FOXO3: variants seen among roughly 807,000 people sequenced by gnomAD.
The protein encoded by FOXO3 is forkhead box O3, also known as forkhead box protein O3.
A neutral mutation model predicts 41.9 loss-of-function variants in FOXO3; 4 were observed. That is an observed-to-expected ratio of 0.10 (90% CI 0.05 to 0.22). The LOEUF (loss-of-function observed/expected upper bound fraction) is 0.22, where lower values mean the gene tolerates loss of function less well. FOXO3 is among the 10% of genes least tolerant of loss of function. FOXO3 has a pLI of 1.00. For synonymous variants in FOXO3, 318 were observed against 389.3 expected, an observed-to-expected ratio of 0.82 and a Z score of 2.16; for missense variants, 534 against 906.8, an observed-to-expected ratio of 0.59 and a Z score of 5.28.
chr6:108,675,936 G>A (rs1644730017), intron 2 of FOXO3, among the ~76,000 whole-genome samples: 1 of 152,200 alleles, frequency 6.6e-6, no homozygotes, highest in Admixed American at 6.5e-5. Context: ...GTTGATTGGG[G>A]TTGTTATGTT....
At chr6:108,603,900 T>A (rs1431417797) in intron 1 of FOXO3, among the ~76,000 whole-genome samples, 2 of 152,212 alleles carry the variant, frequency 1.3e-5, no homozygotes, top group Non-Finnish European at 2.9e-5. Context: ...AATTTTTTTT[T>A]ATTTAAAAAG....
chr6:108,588,848 A>G (rs752352889), intron 1 of FOXO3, among the ~76,000 whole-genome samples: 10 of 152,230 alleles, frequency 6.6e-5, no homozygotes, highest in Non-Finnish European at 1.0e-4. Flanking sequence ...TTCTGCAACT[A>G]GACAAAAAAC....
chr6:108,681,648 C>G lies in FOXO3; in HGVS notation c.*1856C>G, dbSNP rs1267372003. On this transcript the variant is annotated 3_prime_UTR_variant, in exon 3 of 3. Transcript: ENST00000406360. Reference sequence around the variant, plus strand: ...GATGGCCCTGTTGATTTCACCCTGCCTTTTACTGAATCTGTAAATTGTTGT... The same window carrying G: ...GATGGCCCTGTTGATTTCACCCTGCGTTTTACTGAATCTGTAAATTGTTGT... 2.0e-5 allele frequency: 3 copies of G among 151,346 alleles called. No individual in the cohort carries two copies. Among genetic ancestry groups the G allele is most frequent in the African/African-American group, 4.9e-5 (2 of 41,144 alleles). The allele number at this position is 151,346 out of a possible 1,614,324, so 9.4% of individuals were successfully genotyped here.
intron 1 of FOXO3, among the ~76,000 whole-genome samples, chr6:108,580,905 T>A (rs1776401263): frequency 6.6e-6 from 1 of 152,202 alleles, no homozygotes; most frequent in African/African-American, 2.4e-5. Context: ...ATGGGACACT[T>A]CAAACTGCCT....
rs1770822813 is a variant in FOXO3 at position 108,680,843 on chromosome 6, G to C, written c.*1051G>C. 6.6e-6 allele frequency: 1 copy of C among 152,036 alleles called. No homozygotes were observed. Among genetic ancestry groups the C allele is most frequent in the Non-Finnish European group, 1.5e-5 (1 of 68,004 alleles). The allele number at this position is 152,036 out of a possible 1,614,324, so 9.4% of individuals were successfully genotyped here. ...AAGCTTGCAGTGAGAAATGTGCGAA[G>C]AGTAAAAACCCAAGTCAATGCTGAG... On this transcript the variant is annotated 3_prime_UTR_variant, in exon 3 of 3. Transcript: ENST00000406360.
intron 1 of FOXO3, chr6:108,618,293 A>G (rs778850549): frequency 1.7e-5 from 12 of 711,822 alleles, no homozygotes; most frequent in Non-Finnish European, 3.1e-5. Context: ...CATGATGAGC[A>G]CCGGTTTCTC....
At chr6:108,594,995 T>A (rs1009150714) in intron 1 of FOXO3, among the ~76,000 whole-genome samples, 3 of 152,198 alleles carry the variant, frequency 2.0e-5, no homozygotes, top group African/African-American at 7.2e-5. Flanking sequence ...ATGCTTATAA[T>A]CCAAAGTATT....
At chr6:108,612,385 A>G (rs534705771) in intron 1 of FOXO3, among the ~76,000 whole-genome samples, 2 of 152,244 alleles carry the variant, frequency 1.3e-5, no homozygotes, top group East Asian at 1.9e-4. Context: ...CATGTCTATA[A>G]ATAGAGTTTT....
intron 1 of FOXO3, among the ~76,000 whole-genome samples, chr6:108,632,915 A>G (rs1355085138): frequency 6.6e-6 from 1 of 152,162 alleles, no homozygotes; most frequent in Non-Finnish European, 1.5e-5. Flanking sequence ...GCAAAATCAT[A>G]TGTTAGTATA....
chr6:108,575,891 A>G (rs956057381), intron 1 of FOXO3, among the ~76,000 whole-genome samples: 1 of 152,174 alleles, frequency 6.6e-6, no homozygotes, highest in African/African-American at 2.4e-5. Context: ...CATTCTTTCA[A>G]ATTTCTTTAA....
chr6:108,602,971 A>G (rs1365094217), intron 1 of FOXO3, among the ~76,000 whole-genome samples: 1 of 152,220 alleles, frequency 6.6e-6, no homozygotes, highest in Non-Finnish European at 1.5e-5. Flanking sequence ...CATATCTACT[A>G]AAACTTGGAA....
At chr6:108,612,591 A>G (rs1777393136) in intron 1 of FOXO3, among the ~76,000 whole-genome samples, 1 of 152,014 alleles carries the variant, frequency 6.6e-6, no homozygotes, top group African/African-American at 2.4e-5. Flanking sequence ...GTGGCAGAAG[A>G]ATTGCTTGAA....
intron 1 of FOXO3, among the ~76,000 whole-genome samples, chr6:108,580,838 T>C (rs941767806): frequency 2.0e-5 from 3 of 152,232 alleles, no homozygotes; most frequent in South Asian, 4.1e-4. Flanking sequence ...AGCATTCACA[T>C]TGAACACAAA....
intron 1 of FOXO3, among the ~76,000 whole-genome samples, chr6:108,635,335 A>G (rs1778093484): frequency 1.3e-5 from 2 of 152,118 alleles, no homozygotes; most frequent in Non-Finnish European, 2.9e-5. Flanking sequence ...GCTTTGGGAT[A>G]GTGGTCGTGG....
At chr6:108,657,230 T>C (rs1778714858) in intron 1 of FOXO3, among the ~76,000 whole-genome samples, 1 of 152,262 alleles carries the variant, frequency 6.6e-6, no homozygotes, top group East Asian at 1.9e-4. Flanking sequence ...TTTTAAGGGT[T>C]CTTTAAACCT....
intron 1 of FOXO3, among the ~76,000 whole-genome samples, chr6:108,568,866 A>G (rs9384681): frequency 0.077 from 11,708 of 152,240 alleles, 621 homozygotes; most frequent in South Asian, 0.22. Flanking sequence ...TGAAAACTCC[A>G]TAAGTGTCCA....
chr6:108,630,764 T>A (rs987834664), intron 1 of FOXO3, among the ~76,000 whole-genome samples: 1 of 152,074 alleles, frequency 6.6e-6, no homozygotes, highest in African/African-American at 2.4e-5. Flanking sequence ...TTAAGTATTT[T>A]TAAAAAAAAG....
In FOXO3 at chr6:108,684,257, A is replaced by G. The variant is rs1245605980; in HGVS notation, c.*4465A>G. 6.6e-6 allele frequency: 1 copy of G among 152,644 alleles called. No individual in the cohort carries two copies. The highest frequency in any genetic ancestry group is 1.5e-5 in the Non-Finnish European group (1 of 68,036). 9.5% of individuals were successfully genotyped at this position (152,644 alleles called of 1,614,324 possible). A position where few individuals can be genotyped will look rare whatever the true frequency, so the allele number is the denominator to read the frequency against. Reference sequence around the variant, plus strand: ...TGGGAAATGTAAACAAATGTGAAGGAGGACCAGAAAAATTAGTTAATATTT... The same window carrying G: ...TGGGAAATGTAAACAAATGTGAAGGGGGACCAGAAAAATTAGTTAATATTT... On this transcript the variant is annotated 3_prime_UTR_variant, in exon 3 of 3. Transcript: ENST00000406360.
chr6:108,574,280 C>G (rs1257195609), intron 1 of FOXO3, among the ~76,000 whole-genome samples: 1 of 151,982 alleles, frequency 6.6e-6, no homozygotes, highest in African/African-American at 2.4e-5. Flanking sequence ...TGGTCACTGC[C>G]AGGTGTGACC....
Sources: allele counts gnomAD v4.1 joint callset (sites outside exome capture counted in the v4.1 genomes callset), GRCh38; gene constraint gnomAD v4.1.1; transcripts MANE v1.5; gene names NCBI Gene and HGNC (gene_info 2026-07-23, HGNC 2026-07-21).